Variants in SYNE2 observed in about 807,000 individuals in gnomAD.
The protein encoded by SYNE2 is nesprin-2.
A neutral mutation model predicts 856.3 loss-of-function variants in SYNE2; 431 were observed. The ratio of observed to expected loss-of-function variants is 0.50; its 90% CI spans 0.47 to 0.55. The LOEUF is 0.55. Ranked by LOEUF, SYNE2 falls within the 20% of genes least tolerant of loss-of-function variation. SYNE2 has a pLI of 0.00. For synonymous variants in SYNE2, 2,923 were observed against 2,872.3 expected (o/e 1.02, Z -0.56); for missense variants, 8,129 against 8,023.2 (o/e 1.01, Z -0.50).
chr14:63,976,792 G>GACTT (rs779078728), intron 12 of SYNE2, 65 bp downstream of exon 12: 5 of 1,529,782 alleles, frequency 3.3e-6, no homozygotes. Flanking sequence ...TCTTGAGGAA[G>GACTT]ACTTTGTCCT....
At chr14:64,007,545 G>A (rs1419677412) in intron 31 of SYNE2, among the ~76,000 whole-genome samples, 1 of 152,190 alleles carries the variant, frequency 6.6e-6, no homozygotes, top group African/African-American at 2.4e-5. Context: ...GGCTTAAAAA[G>A]AACACGGATT....
intron 95 of SYNE2, among the ~76,000 whole-genome samples, chr14:64,176,563 ACAG>A (rs1029653201): frequency 1.3e-5 from 2 of 152,280 alleles, no homozygotes; most frequent in African/African-American, 4.8e-5. Flanking sequence ...AAAGGAGAAG[ACAG>A]CCAGCAGAGG....
chr14:64,174,068 A>AT (rs774699849), intron 94 of SYNE2: 54,759 of 417,216 alleles, frequency 0.13, 20 homozygotes, highest in South Asian at 0.16. Context: ...TGTCTCTTAA[A>AT]TTTTTTTTTT....
At chr14:64,039,057 A>G (rs375924760) in intron 45 of SYNE2, among the ~76,000 whole-genome samples, 23 of 152,324 alleles carry the variant, frequency 1.5e-4, no homozygotes, top group African/African-American at 2.9e-4. Flanking sequence ...TTTAGATGTT[A>G]TACTAAGAAA....
At chr14:63,982,573 A>T (rs919244252) in intron 16 of SYNE2, 57 bp from the exon 17 acceptor site, 1 of 1,552,324 alleles carries the variant, frequency 6.4e-7, no homozygotes, top group Non-Finnish European at 8.9e-7. Context: ...TTGATTATAC[A>T]TAATAGAAAG....
chr14:63,948,784 A>G (rs111236542), intron 6 of SYNE2, among the ~76,000 whole-genome samples: 2,156 of 16,760 alleles, frequency 0.13, 27 homozygotes, highest in East Asian at 0.17. Flanking sequence ...GTGTGTGTGT[A>G]TATATATATA....
chr14:63,861,625 CAA>C (rs111291532), intron 1 of SYNE2, among the ~76,000 whole-genome samples: 13 of 150,206 alleles, frequency 8.7e-5, no homozygotes, highest in South Asian at 6.4e-4. Context: ...ACCCCAATCT[CAA>C]AAAAAAAAAT....
At position 64,220,497 on chromosome 14, in the gene SYNE2, A is replaced by G; in HGVS notation, c.19921A>G (p.Lys6641Glu). 1 of 1,614,226 alleles carries G rather than the reference A, an allele frequency of 6.2e-7. No individual in the cohort carries two copies. The highest frequency in any genetic ancestry group is 1.3e-5 in the African/African-American group (1 of 75,058). ...ALVVSVNVSSKEFLQTESPES... is the reference protein window; with the variant it reads ...ALVVSVNVSSEEFLQTESPES... Reference sequence around the variant, plus strand: ...AGTGGTCTCTGTCAACGTGAGCAGCAAGGAATTTCTGCAAACCGAGAGCCC... The same window carrying G: ...AGTGGTCTCTGTCAACGTGAGCAGCGAGGAATTTCTGCAAACCGAGAGCCC... Residue 6641 changes from lysine (K) to glutamate (E), a missense_variant, in exon 111 of 116, where the codon AAG becomes GAG. By Grantham distance (56) the Lys-to-Glu change is moderately conservative. This residue lies in a region of SYNE2 where 5,410 missense variants were observed against 5,284.8 expected (regional missense o/e 1.02). Transcript: ENST00000555002.
chr14:63,940,764 A>T (rs948322554), intron 3 of SYNE2, 89 bp downstream of exon 3: 4 of 1,159,714 alleles, frequency 3.4e-6, no homozygotes, highest in Non-Finnish European at 3.9e-6. Context: ...CCATTAAAAA[A>T]TGGTACTGGT....
intron 99 of SYNE2, among the ~76,000 whole-genome samples, chr14:64,197,665 T>C (rs1464631966): frequency 6.6e-6 from 1 of 152,232 alleles, no homozygotes; most frequent in East Asian, 1.9e-4. Flanking sequence ...GCTTTTATAA[T>C]TTAACTGTAG....
chr14:63,936,278 T>C (rs1263672004), intron 2 of SYNE2, among the ~76,000 whole-genome samples: 1 of 152,196 alleles, frequency 6.6e-6, no homozygotes, highest in African/African-American at 2.4e-5. Flanking sequence ...TTGCCTGTGT[T>C]GTGGTGCGTA....
intron 77 of SYNE2, among the ~76,000 whole-genome samples, chr14:64,133,670 C>T (rs2098050730): frequency 6.6e-6 from 1 of 152,174 alleles, no homozygotes; most frequent in Non-Finnish European, 1.5e-5. Flanking sequence ...AGCCTAATAG[C>T]TTCTGTTGAG....
Position 64,087,714 on chromosome 14 carries a change from C to G in SYNE2, c.11528C>G (p.Ser3843Ter). Residue 3843 changes from serine to a stop codon, truncating the protein, a stop_gained, in exon 58 of 116, where the codon TCA (serine) becomes TGA (stop). Coordinates refer to ENST00000555002, the MANE Select transcript of SYNE2 (RefSeq NM_182914.3). LOFTEE classifies it high-confidence loss of function. ...GAACAGAAGCACAATCTTTTACATT[C>G]AATCTTTATGGATCTAGAAGACCTG... ...DSEQKHNLLH[S>*]IFMDLEDLSI... The G allele has an allele frequency of 6.2e-7, 1 of 1,614,116 alleles. No individual in the cohort carries two copies. Among genetic ancestry groups the G allele is most frequent in the Non-Finnish European group, 8.5e-7 (1 of 1,180,002 alleles).
At position 64,188,747 on chromosome 14, in the gene SYNE2, C is replaced by T. The variant is rs1213957808; in HGVS notation, c.17871+39C>T. The T allele has an allele frequency of 3.1e-6, 5 of 1,609,470 alleles. No individual in the cohort carries two copies. In the African/African-American group the frequency reaches 5.3e-5, roughly 17 times the overall value. Reference sequence around the variant, plus strand: ...CCCAGGTGGATGTAGTTATGACTACCATGGAATTGTCGGCCCTCCTCACTC... The same window carrying T: ...CCCAGGTGGATGTAGTTATGACTACTATGGAATTGTCGGCCCTCCTCACTC... On this transcript the variant is annotated intron_variant, in intron 98 of 115. Transcript: ENST00000555002.
intron 66 of SYNE2, among the ~76,000 whole-genome samples, chr14:64,114,380 A>C (rs1481291007): frequency 6.6e-6 from 1 of 152,142 alleles, no homozygotes; most frequent in African/African-American, 2.4e-5. Flanking sequence ...TGTCTTTATC[A>C]TATGGGCTTG....
chr14:63,930,645 C>T (rs2095740323), intron 2 of SYNE2, among the ~76,000 whole-genome samples: 1 of 151,580 alleles, frequency 6.6e-6, no homozygotes, highest in Non-Finnish European at 1.5e-5. Flanking sequence ...AGTGATTCTC[C>T]TTCTTCAGCC....
At chr14:64,094,199 T>C (rs1191771290) in intron 61 of SYNE2, among the ~76,000 whole-genome samples, 1 of 151,282 alleles carries the variant, frequency 6.6e-6, no homozygotes, top group African/African-American at 2.4e-5. Flanking sequence ...CTGGGTGTGT[T>C]GGTGGGCGCC....
At chr14:64,021,715 C>T (rs1227695312) in intron 36 of SYNE2, 142 bp from the exon 37 acceptor site, 1 of 1,032,950 alleles carries the variant, frequency 9.7e-7, no homozygotes, top group African/African-American at 1.6e-5. Context: ...TGCATTGTAT[C>T]ATACATTTAC....
intron 2 of SYNE2, among the ~76,000 whole-genome samples, chr14:63,925,450 A>C (rs561429658): frequency 6.6e-6 from 1 of 152,358 alleles, no homozygotes; most frequent in East Asian, 1.9e-4. Flanking sequence ...CATGCAATGC[A>C]TAATAATCAT....
Sources: gnomAD v4.1 joint callset for allele counts (sites outside exome capture counted in the v4.1 genomes callset) on GRCh38, gnomAD v4.1.1 for gene constraint, gnomAD v4.1.1 regional missense constraint, MANE v1.5 for transcripts, NCBI Gene and HGNC (gene_info 2026-07-23, HGNC 2026-07-21) for gene names.